DENND1C: variants seen among roughly 807,000 people sequenced by gnomAD.
DENND1C encodes DENN domain containing 1C, also known as DENN domain-containing protein 1C.
Under a neutral mutation model 87.9 loss-of-function variants are expected in DENND1C, and 64 were observed. The ratio of observed to expected loss-of-function variants is 0.73; its 90% CI spans 0.60 to 0.90. The LOEUF (loss-of-function observed/expected upper bound fraction) is 0.90. DENND1C is among the 40% of genes least tolerant of loss of function. The pLI is 0.00. For synonymous variants in DENND1C, 384 were observed against 424.4 expected, an observed-to-expected ratio of 0.90 and a Z score of 1.17; for missense variants, 980 against 1,037.0, an observed-to-expected ratio of 0.95 and a Z score of 0.76.
Position 6,468,393 on chromosome 19 carries a change from T to G in DENND1C, c.1632A>C (p.Glu544Asp), listed in dbSNP as rs369832870. ...PEDEGCPWAEEALDSSFLGSG... is the reference protein window; with the variant it reads ...PEDEGCPWAEDALDSSFLGSG... ...ACCCCAAGAAGCTGCTGTCCAGAGC[T>G]TCTTCTGCCCACGGGCACCCCTCAT... Residue 544 changes from glutamate to aspartate, a missense_variant, in exon 22 of 23, where the codon GAA becomes GAC. By Grantham distance (45) the Glu-to-Asp change is conservative. Transcript: ENST00000381480. 13 of 1,613,820 alleles carry G rather than the reference T, an allele frequency of 8.1e-6. No homozygotes were observed. In the East Asian group the frequency reaches 2.0e-4, roughly 25 times the overall value.
chr19:6,478,463 T>G (rs1217892716), intron 6 of DENND1C, among the ~76,000 whole-genome samples: 1 of 149,696 alleles, frequency 6.7e-6, no homozygotes, highest in Non-Finnish European at 1.5e-5. Context: ...ACCATGTCGG[T>G]CAGGCCGGTC....
Position 6,467,280 on chromosome 19 carries a change from C to A in DENND1C, c.*224G>T. ...TAGCTGAGATGGAAGTGACAAATGC[C>A]GAGAGGAATTGTAAGGTTGCCAGGA... On this transcript the variant is annotated 3_prime_UTR_variant, in exon 23 of 23. Coordinates refer to ENST00000381480, the MANE Select transcript of DENND1C (RefSeq NM_024898.4). The A allele has an allele frequency of 1.8e-6, 1 of 567,170 alleles. No homozygotes were observed. Among genetic ancestry groups the A allele is most frequent in the Non-Finnish European group, 2.8e-6 (1 of 354,808 alleles). The allele number at this position is 567,170 out of a possible 1,614,324, so 35.1% of individuals were successfully genotyped here.
At position 6,481,779 on chromosome 19, in the gene DENND1C, T is replaced by C; in HGVS notation, c.-84A>G. 7.0e-7 allele frequency: 1 copy of C among 1,429,032 alleles called. No individual in the cohort carries two copies. The allele number at this position is 1,429,032 out of a possible 1,614,324, so 88.5% of individuals were successfully genotyped here. On this transcript the variant is annotated 5_prime_UTR_variant, in exon 1 of 23. Coordinates refer to ENST00000381480, the MANE Select transcript of DENND1C (RefSeq NM_024898.4). The stretch of plus-strand genomic sequence containing the variant: ...ATGCTGGGCCCCAAGCCGGCTCAGC[T>C]TCCTGTGTGGCTGAGAGAGGAAGTT...
In DENND1C at chr19:6,468,869, G is replaced by C. The variant is rs1354691642; in HGVS notation, c.1492C>G (p.Pro498Ala). ...ACCTTTCCAAAGTGCTGAGTGATTG[G>C]GAGGCGTTGCTGCAGGCGGTCTGAG... ...SRSDRLQQRL[P>A]ITQHFGKNRP... Residue 498 changes from proline (P) to alanine (A), a missense_variant, in exon 20 of 23, where the codon CCA becomes GCA. By Grantham distance (27) the Pro-to-Ala change is conservative. Coordinates refer to ENST00000381480, the MANE Select transcript of DENND1C (RefSeq NM_024898.4). 1 of 1,513,668 alleles carries C rather than the reference G, an allele frequency of 6.6e-7. No homozygotes were observed. Among genetic ancestry groups the C allele is most frequent in the Admixed American group, 2.3e-5 (1 of 43,000 alleles). 93.8% of individuals were successfully genotyped at this position (1,513,668 alleles called of 1,614,324 possible). A position where few individuals can be genotyped will look rare whatever the true frequency, so the allele number is the denominator to read the frequency against.
At position 6,476,910 on chromosome 19, in the gene DENND1C, C is replaced by A. The variant is rs1487424815; in HGVS notation, c.625G>T (p.Ala209Ser). 3 of 1,613,462 alleles carry A rather than the reference C, an allele frequency of 1.9e-6. No homozygotes were observed. Residue 209 changes from alanine to serine, a missense_variant, in exon 10 of 23, where the codon GCG becomes TCG. Physicochemically the swap from Ala to Ser is moderately conservative, Grantham distance 99. Transcript: ENST00000381480. The part of the protein sequence containing the change: ...VTDENIVGLF[A>S]ALLAERRVLL... ...ACTCTTCTCTCGGCCAGGAGCGCCG[C>A]GAACAGCCCCACGATGTTCTCGTCA...
intron 11 of DENND1C, 30 bp from the exon 12 acceptor site, chr19:6,475,781 G>C: frequency 6.5e-7 from 1 of 1,534,300 alleles, no homozygotes; most frequent in South Asian, 1.2e-5. Context: ...GGTCATGCAG[G>C]CACCGCCCCC....
Position 6,468,652 on chromosome 19 carries a change from A to C in DENND1C, c.1516-7T>G. The C allele has an allele frequency of 6.8e-7, 1 of 1,475,372 alleles. No individual in the cohort carries two copies. The highest frequency in any genetic ancestry group is 9.0e-7 in the Non-Finnish European group (1 of 1,114,520). The allele number at this position is 1,475,372 out of a possible 1,614,324, so 91.4% of individuals were successfully genotyped here. On this transcript the variant is annotated splice_polypyrimidine_tract_variant and splice_region_variant and intron_variant, in intron 20 of 22. Transcript: ENST00000381480. ...TGGGGCGAAGGGGCCGGTTCTGCAAAGGGTGGGGGCGATAGGACCTCAGGA... is the reference window on the plus strand; with the variant it reads ...TGGGGCGAAGGGGCCGGTTCTGCAACGGGTGGGGGCGATAGGACCTCAGGA...
chr19:6,476,847 C>G lies in DENND1C; in HGVS notation c.678+10G>C. 6.2e-7 allele frequency: 1 copy of G among 1,608,132 alleles called. No individual in the cohort carries two copies. The highest frequency in any genetic ancestry group is 1.1e-5 in the South Asian group (1 of 90,734). On this transcript the variant is annotated intron_variant, in intron 10 of 22. Transcript: ENST00000381480. ...CTGCTCCCACCCCGGCCCGGCGGAC[C>G]CCGCCTCACGGTGCTGAGTTTGCTG...
At position 6,471,508 on chromosome 19, in the gene DENND1C, G is replaced by T; in HGVS notation, c.1159-12C>A. The T allele has an allele frequency of 2.0e-6, 3 of 1,537,152 alleles. No homozygotes were observed. The highest frequency in any genetic ancestry group is 2.6e-6 in the Non-Finnish European group (3 of 1,139,814). ...CGGGCTTCGATGAACTGGGGTGGGG[G>T]ACAGTAAATCAGAAACAGCAGGAGA... On this transcript the variant is annotated splice_polypyrimidine_tract_variant and intron_variant, in intron 15 of 22. Transcript: ENST00000381480.
chr19:6,477,754 A>C (rs2092871524), intron 6 of DENND1C, among the ~76,000 whole-genome samples: 1 of 146,942 alleles, frequency 6.8e-6, no homozygotes. Flanking sequence ...CGGCTTTTTA[A>C]ATTTTTTAAT....
chr19:6,469,528 C>T (rs970199457), intron 19 of DENND1C, 68 bp downstream of exon 19: 8 of 1,502,830 alleles, frequency 5.3e-6, no homozygotes, highest in Non-Finnish European at 7.3e-6. Context: ...AAGCAATCCT[C>T]CTGCCTCGGC....
chr19:6,467,207 T>A lies in DENND1C; in HGVS notation c.*297A>T. 1 of 531,424 alleles carries A rather than the reference T, an allele frequency of 1.9e-6. No individual in the cohort carries two copies. The highest frequency in any genetic ancestry group is 3.2e-6 in the Non-Finnish European group (1 of 313,940). The allele number at this position is 531,424 out of a possible 1,614,324, so 32.9% of individuals were successfully genotyped here. On this transcript the variant is annotated 3_prime_UTR_variant, in exon 23 of 23. Transcript: ENST00000381480. Reference sequence around the variant, plus strand: ...TTATATATTTATATAAAATTAGTAGTGAGATGTAACAAAAGCTTTATTGGT... The same window carrying A: ...TTATATATTTATATAAAATTAGTAGAGAGATGTAACAAAAGCTTTATTGGT...
rs760727275 is a variant in DENND1C at position 6,477,243 on chromosome 19, G to C, written c.488C>G (p.Pro163Arg). The change falls in exon 8 of 23, where the codon CCC becomes CGC. Residue 163 changes from proline (P) to arginine (R), a missense_variant. Transcript: ENST00000381480. Reference protein sequence around the residue: ...VTVSSGQGIPPPTRGNSKPLS... With the variant: ...VTVSSGQGIPRPTRGNSKPLS... ...CGGCTTGCTATTCCCCCGGGTAGGGGGGGGGATACCCTGCCCGCTGGAGAC... is the reference window on the plus strand; with the variant it reads ...CGGCTTGCTATTCCCCCGGGTAGGGCGGGGGATACCCTGCCCGCTGGAGAC... The C allele has an allele frequency of 1.9e-6, 3 of 1,585,912 alleles. No homozygotes were observed. Among genetic ancestry groups the C allele is most frequent in the Admixed American group, 3.6e-5 (2 of 55,042 alleles).
At chr19:6,480,604 ATCTATCT>A in intron 1 of DENND1C, 1 of 396,876 alleles carries the variant, frequency 2.5e-6, no homozygotes, top group Non-Finnish European at 3.2e-6. Flanking sequence ...CTATCTATCT[ATCTATCT>A]ATCTATTTTT....
chr19:6,472,432 C>T (rs1476803461), intron 15 of DENND1C, among the ~76,000 whole-genome samples: 1 of 152,136 alleles, frequency 6.6e-6, no homozygotes, highest in Non-Finnish European at 1.5e-5. Context: ...GCTCTATTAT[C>T]CAGGCTGGAG....
At chr19:6,478,742 G>T in intron 6 of DENND1C, 41 bp downstream of exon 6, 3 of 1,583,238 alleles carry the variant, frequency 1.9e-6, no homozygotes, top group Middle Eastern at 1.7e-4. Context: ...GGGGGGTGGG[G>T]GCTGGGACTC....
rs141760384 is a variant in DENND1C at position 6,469,495 on chromosome 19, G to C, written c.1407+101C>G. 6.8e-4 allele frequency: 798 copies of C among 1,169,690 alleles called. 20 individuals carry two copies. The East Asian group carries it at 0.019, about 28-fold the overall frequency. 72.5% of individuals were successfully genotyped at this position (1,169,690 alleles called of 1,614,324 possible). ...GACAAGGCCCCACTATATTGCCCAA[G>C]CTGGTCTCAAACTCCTGGGCTCAAG... On this transcript the variant is annotated intron_variant, in intron 19 of 22. Coordinates refer to ENST00000381480, the MANE Select transcript of DENND1C (RefSeq NM_024898.4).
At position 6,467,866 on chromosome 19, in the gene DENND1C, G is replaced by A. The variant is rs374627641; in HGVS notation, c.2044C>T (p.His682Tyr). The A allele has an allele frequency of 6.2e-7, 1 of 1,602,720 alleles. No homozygotes were observed. Among genetic ancestry groups the A allele is most frequent in the Non-Finnish European group, 8.5e-7 (1 of 1,174,342 alleles). Residue 682 changes from histidine (H) to tyrosine (Y), a missense_variant, in exon 23 of 23, where the codon CAT (histidine) becomes TAT (tyrosine). Transcript: ENST00000381480. ...PSPLTEPLIL[H>Y]LTPSHKAAED... ...GCTGCCTTGTGGGAAGGGGTGAGAT[G>A]AAGAATTAGGGGCTCTGTGAGAGGA...
intron 18 of DENND1C, 76 bp downstream of exon 18, chr19:6,470,219 C>T (rs2092819728): frequency 6.9e-7 from 1 of 1,453,358 alleles, no homozygotes; most frequent in South Asian, 1.2e-5. Context: ...ATACTCCATC[C>T]TTGGGAGGTC....
Sources: allele counts gnomAD v4.1 joint callset (sites outside exome capture counted in the v4.1 genomes callset), GRCh38; gene constraint gnomAD v4.1.1; transcripts MANE v1.5; gene names NCBI Gene and HGNC (gene_info 2026-07-23, HGNC 2026-07-21).